The following AUTS2 variants were observed in gnomAD, a reference collection of about 807,000 sequenced individuals.
AUTS2 encodes the protein autism susceptibility gene 2 protein.
AUTS2 carries 17 observed loss-of-function variants against 112.4 expected under a neutral mutation model. That is an observed-to-expected ratio of 0.15 (90% CI 0.10 to 0.23). The LOEUF (loss-of-function observed/expected upper bound fraction) is 0.23. Among genes scored for constraint, AUTS2 ranks in the 10% least tolerant of loss-of-function variants. The probability of loss-of-function intolerance (pLI) is 1.00; values close to 1 mark genes in which losing one functional copy is unlikely to be tolerated. For missense variants in AUTS2, 1,510 were observed against 1,701.6 expected, an observed-to-expected ratio of 0.89 and a Z score of 1.98; for synonymous variants, 751 against 702.7, an observed-to-expected ratio of 1.07 and a Z score of -1.09.
intron 1 of AUTS2, among the ~76,000 whole-genome samples, chr7:69,765,557 T>A (rs1001273643): frequency 3.3e-5 from 5 of 152,186 alleles, no homozygotes; most frequent in African/African-American, 1.2e-4. Flanking sequence ...CCTCAAGTGG[T>A]CCTCCTGCCT....
chr7:69,756,043 G>A (rs1173538572), intron 1 of AUTS2, among the ~76,000 whole-genome samples: 1 of 152,178 alleles, frequency 6.6e-6, no homozygotes. Context: ...AGGTCACAGG[G>A]CAAAGACAAG....
intron 2 of AUTS2, among the ~76,000 whole-genome samples, chr7:70,051,580 G>T (rs757089231): frequency 2.0e-5 from 3 of 151,950 alleles, no homozygotes; most frequent in African/African-American, 4.8e-5. Flanking sequence ...TTACCCAGGC[G>T]TGGTGGTGGG....
intron 4 of AUTS2, among the ~76,000 whole-genome samples, chr7:70,261,438 C>G (rs973505390): frequency 4.6e-5 from 7 of 152,294 alleles, no homozygotes; most frequent in South Asian, 4.1e-4. Flanking sequence ...CCAAACTCAT[C>G]AAACTGTATA....
intron 1 of AUTS2, among the ~76,000 whole-genome samples, chr7:69,880,177 G>A (rs542377207): frequency 6.6e-6 from 1 of 152,252 alleles, no homozygotes; most frequent in Admixed American, 6.5e-5. Flanking sequence ...GAAAGTGGGG[G>A]TGGGGGTGCC....
At chr7:69,912,259 T>G (rs1795390871) in intron 2 of AUTS2, among the ~76,000 whole-genome samples, 2 of 152,150 alleles carry the variant, frequency 1.3e-5, no homozygotes, top group Admixed American at 1.3e-4. Context: ...AGTAGGCACT[T>G]CCAAGACTGC....
At chr7:69,791,895 G>A (rs1218021087) in intron 1 of AUTS2, among the ~76,000 whole-genome samples, 2 of 152,152 alleles carry the variant, frequency 1.3e-5, no homozygotes, top group African/African-American at 4.8e-5. Context: ...AGCTGTGCCT[G>A]GCCCATTTCC....
At chr7:69,790,932 T>C (rs1789582969) in intron 1 of AUTS2, among the ~76,000 whole-genome samples, 1 of 152,248 alleles carries the variant, frequency 6.6e-6, no homozygotes, top group African/African-American at 2.4e-5. Context: ...CGCACTTAAC[T>C]GAAACTCAAG....
intron 2 of AUTS2, among the ~76,000 whole-genome samples, chr7:70,043,373 GAC>G (rs891050880): frequency 3.0e-4 from 45 of 151,626 alleles, no homozygotes; most frequent in African/African-American, 9.9e-4. Flanking sequence ...ACATAATTAT[GAC>G]ACAGATTTCA....
intron 6 of AUTS2, among the ~76,000 whole-genome samples, chr7:70,738,936 A>G (rs182801021): frequency 1.3e-5 from 2 of 148,558 alleles, no homozygotes; most frequent in East Asian, 4.0e-4. Context: ...TTTGTAGACA[A>G]CACATCTACT....
chr7:70,139,502 T>C (rs1806742044), intron 4 of AUTS2, among the ~76,000 whole-genome samples: 1 of 152,216 alleles, frequency 6.6e-6, no homozygotes, highest in East Asian at 1.9e-4. Context: ...GGTATTTCCA[T>C]TTATAAAATA....
At chr7:70,470,737 G>A (rs1797346995) in intron 5 of AUTS2, among the ~76,000 whole-genome samples, 1 of 152,184 alleles carries the variant, frequency 6.6e-6, no homozygotes, top group Admixed American at 6.5e-5. Flanking sequence ...GTAGAAGCCT[G>A]TGGTTGTGGA....
intron 1 of AUTS2, among the ~76,000 whole-genome samples, chr7:69,789,541 G>A (rs1789525191): frequency 6.6e-6 from 1 of 152,036 alleles, no homozygotes; most frequent in Admixed American, 6.6e-5. Flanking sequence ...TGGGACCCAG[G>A]GCTACTGCAC....
intron 5 of AUTS2, among the ~76,000 whole-genome samples, chr7:70,443,193 T>C (rs1210293034): frequency 3.3e-5 from 5 of 152,202 alleles, no homozygotes; most frequent in Non-Finnish European, 4.4e-5. Flanking sequence ...ATTGGAAATA[T>C]GTCAGGCATT....
At chr7:69,626,790 G>A (rs1793973042) in intron 1 of AUTS2, among the ~76,000 whole-genome samples, 1 of 152,096 alleles carries the variant, frequency 6.6e-6, no homozygotes, top group South Asian at 2.1e-4. Context: ...AAACAGAAAT[G>A]GGATCTTAAA....
chr7:70,245,142 G>GTATATATATA (rs1225794976), intron 4 of AUTS2, among the ~76,000 whole-genome samples: 67 of 72,220 alleles, frequency 9.3e-4, no homozygotes, highest in African/African-American at 3.4e-3. Context: ...AAGTGTGTGT[G>GTATATATATA]TGTATATATA....
intron 2 of AUTS2, among the ~76,000 whole-genome samples, chr7:69,960,875 A>G (rs893863454): frequency 1.3e-5 from 2 of 152,002 alleles, no homozygotes; most frequent in Admixed American, 1.3e-4. Context: ...GTGCTCATCA[A>G]CTTCTGTGTG....
At chr7:70,310,020 T>A (rs1789662265) in intron 4 of AUTS2, among the ~76,000 whole-genome samples, 1 of 152,220 alleles carries the variant, frequency 6.6e-6, no homozygotes, top group Non-Finnish European at 1.5e-5. Flanking sequence ...GAATAATGGC[T>A]CTATTTCTAT....
intron 13 of AUTS2, chr7:70,776,825 C>T (rs1219345570): frequency 2.1e-6 from 1 of 474,592 alleles, no homozygotes; most frequent in Non-Finnish European, 3.8e-6. Context: ...GAGTGGGATT[C>T]AGGCTTTTGC....
intron 1 of AUTS2, among the ~76,000 whole-genome samples, chr7:69,729,336 T>C (rs970834722): frequency 2.5e-5 from 3 of 121,494 alleles, no homozygotes; most frequent in African/African-American, 7.9e-5. Flanking sequence ...TTTAATAGCA[T>C]TTTTTTTTTG....
Sources: gnomAD v4.1 joint callset for allele counts (sites outside exome capture counted in the v4.1 genomes callset) on GRCh38, gnomAD v4.1.1 for gene constraint, MANE v1.5 for transcripts, NCBI Gene and HGNC (gene_info 2026-07-23, HGNC 2026-07-21) for gene names.